JPH2: variants seen among roughly 807,000 people sequenced by gnomAD.
JPH2 encodes junctophilin-2.
JPH2 carries 38 observed loss-of-function variants against 55.9 expected under a neutral mutation model. That is an observed-to-expected ratio of 0.68 (90% CI 0.52 to 0.89). The LOEUF is 0.89. JPH2 is among the 40% of genes least tolerant of loss of function. The pLI is 0.00. For synonymous variants in JPH2, 480 were observed against 472.4 expected (o/e 1.02, Z -0.21); for missense variants, 964 against 1,037.6 (o/e 0.93, Z 0.97).
chr20:44,123,287 TC>T (rs2072251348), intron 2 of JPH2, among the ~76,000 whole-genome samples: 1 of 152,016 alleles, frequency 6.6e-6, no homozygotes. Context: ...TCCTTCCACA[TC>T]CACAGCCCAT....
At chr20:44,126,369 C>A (rs746136015) in intron 2 of JPH2, among the ~76,000 whole-genome samples, 1 of 152,140 alleles carries the variant, frequency 6.6e-6, no homozygotes, top group Non-Finnish European at 1.5e-5. Flanking sequence ...TAATCAGGGT[C>A]CCTGGCTCAG....
intron 2 of JPH2, among the ~76,000 whole-genome samples, chr20:44,119,284 A>C (rs1275499200): frequency 6.6e-6 from 1 of 152,254 alleles, no homozygotes; most frequent in Non-Finnish European, 1.5e-5. Context: ...ACAACATATA[A>C]TATGACATGA....
chr20:44,171,312 A>C (rs2072696355), intron 1 of JPH2, among the ~76,000 whole-genome samples: 1 of 152,188 alleles, frequency 6.6e-6, no homozygotes, highest in Non-Finnish European at 1.5e-5. Context: ...AGCGTTGCCC[A>C]AAATCAAAGC....
intron 2 of JPH2, among the ~76,000 whole-genome samples, chr20:44,132,482 G>A (rs1403511783): frequency 6.6e-6 from 1 of 151,220 alleles, no homozygotes; most frequent in Non-Finnish European, 1.5e-5. Flanking sequence ...TCTGCCCAGG[G>A]AGATCATCTC....
At chr20:44,123,792 G>C (rs938126821) in intron 2 of JPH2, among the ~76,000 whole-genome samples, 33 of 152,222 alleles carry the variant, frequency 2.2e-4, no homozygotes, top group African/African-American at 7.7e-4. Flanking sequence ...TTATATTCCA[G>C]ATTCTGACTT....
rs138602954 is a variant in JPH2, at chr20:44,110,225, T to TACACACAC, written c.*3285_*3292dup. 6.7e-6 allele frequency among the ~76,000 whole-genome samples: 1 copy of TACACACAC among 150,016 alleles called. No homozygotes were observed. The highest frequency in any genetic ancestry group is 2.5e-5 in the African/African-American group (1 of 40,798). The stretch of plus-strand genomic sequence containing the variant: ...CCCCAACTCATCCAACACACACACA[T>TACACACAC]ACACACACACACACAGACACACCCC... On this transcript the variant is annotated 3_prime_UTR_variant, in exon 6 of 6. Transcript: ENST00000372980.
chr20:44,186,587 C>A lies in JPH2; in HGVS notation c.119G>T (p.Gly40Val). Reference protein sequence around the residue: ...TGPKGQGEYSGSWNFGFEVAG... With the variant: ...TGPKGQGEYSVSWNFGFEVAG... ...CACCTCAAAGCCAAAGTTCCAGGAG[C>A]CAGAGTATTCGCCCTGGCCCTTGGG... The change falls in exon 1 of 6, where the codon GGC becomes GTC. Residue 40 changes from glycine (G) to valine (V), a missense_variant. Physicochemically the swap from Gly to Val is moderately radical, Grantham distance 109 (BLOSUM62 -3). Coordinates refer to ENST00000372980, the MANE Select transcript of JPH2 (RefSeq NM_020433.5). The A allele has an allele frequency of 1.2e-6, 2 of 1,613,644 alleles. No individual in the cohort carries two copies. The highest frequency in any genetic ancestry group is 1.1e-5 in the South Asian group (1 of 91,072).
intron 1 of JPH2, among the ~76,000 whole-genome samples, chr20:44,168,816 T>G (rs1000183783): frequency 6.6e-6 from 1 of 152,202 alleles, no homozygotes; most frequent in Non-Finnish European, 1.5e-5. Flanking sequence ...CCTCCAAACT[T>G]CATGTTGAAA....
Position 44,114,006 on chromosome 20 carries a change from G to A in JPH2, c.*15-503C>T, listed in dbSNP as rs559982237. Among the ~76,000 whole-genome samples the A allele has an allele frequency of 2.6e-5, 4 of 152,320 alleles. No homozygotes were observed. The East Asian group carries it at 7.7e-4, about 29-fold the overall frequency. On this transcript the variant is annotated intron_variant, in intron 5 of 5. Transcript: ENST00000372980. ...CCAAACTAAGCTAGGATCAAAAAAG[G>A]GGGCCTGAGGAAAAGGCAGAAACCC...
intron 2 of JPH2, among the ~76,000 whole-genome samples, chr20:44,148,291 C>A (rs1470910887): frequency 1.3e-5 from 2 of 152,246 alleles, no homozygotes; most frequent in Admixed American, 1.3e-4. Flanking sequence ...TGAATGTCAT[C>A]CAATAGCGTT....
At position 44,116,211 on chromosome 20, in the gene JPH2, G is replaced by A; in HGVS notation, c.1464C>T (p.Ala488=). The A allele has an allele frequency of 7.2e-7, 1 of 1,393,742 alleles. No homozygotes were observed. Among genetic ancestry groups the A allele is most frequent in the Non-Finnish European group, 9.2e-7 (1 of 1,085,572 alleles). The allele number at this position is 1,393,742 out of a possible 1,614,324, so 86.3% of individuals were successfully genotyped here. A position where few individuals can be genotyped will look rare whatever the true frequency, so the allele number is the denominator to read the frequency against. ...GCCGCTTGGGCTGCGGGGGCGTCCCGGCCGGTGACGGGGAGCCACCCTCGG... is the reference window on the plus strand; with the variant it reads ...GCCGCTTGGGCTGCGGGGGCGTCCCAGCCGGTGACGGGGAGCCACCCTCGG... The part of the protein sequence containing the change: ...PRPEGGSPSP[A]GTPPQPKRPR... Residue 488 remains alanine, a synonymous_variant, in exon 4 of 6, where the codon GCC becomes GCT. Transcript: ENST00000372980.
chr20:44,144,476 G>T (rs1369100798), intron 2 of JPH2, among the ~76,000 whole-genome samples: 1 of 152,180 alleles, frequency 6.6e-6, no homozygotes, highest in East Asian at 1.9e-4. Context: ...CGAGGAAAGG[G>T]AGGCTTAGGG....
intron 1 of JPH2, among the ~76,000 whole-genome samples, chr20:44,162,698 T>C (rs2072619297): frequency 1.4e-5 from 2 of 142,714 alleles, no homozygotes; most frequent in African/African-American, 5.3e-5. Flanking sequence ...GGACAGCCCA[T>C]TGTGGGACCC....
intron 2 of JPH2, among the ~76,000 whole-genome samples, chr20:44,134,824 T>C (rs1193302573): frequency 1.0e-3 from 89 of 86,502 alleles, no homozygotes; most frequent in South Asian, 3.5e-3. Context: ...TAAATATTTA[T>C]AAATATACAT....
chr20:44,170,692 C>A (rs2072690956), intron 1 of JPH2, among the ~76,000 whole-genome samples: 1 of 152,144 alleles, frequency 6.6e-6, no homozygotes, highest in South Asian at 2.1e-4. Context: ...AGAAAGTAAG[C>A]CAGGGCTAAG....
chr20:44,115,242 T>G (rs1468823296), intron 4 of JPH2, among the ~76,000 whole-genome samples: 1 of 152,094 alleles, frequency 6.6e-6, no homozygotes. Flanking sequence ...CTCCCATAAG[T>G]CAGGAGGTCT....
At chr20:44,179,650 G>A (rs1193322927) in intron 1 of JPH2, among the ~76,000 whole-genome samples, 1 of 152,136 alleles carries the variant, frequency 6.6e-6, no homozygotes, top group Non-Finnish European at 1.5e-5. Context: ...AATTCTTAAT[G>A]ATTTTAAAGA....
chr20:44,182,687 TAAG>T (rs1371174064), intron 1 of JPH2, among the ~76,000 whole-genome samples: 1 of 152,228 alleles, frequency 6.6e-6, no homozygotes. Flanking sequence ...CGACTCCATC[TAAG>T]AACACCTTCC....
chr20:44,151,084 A>T (rs547148539), intron 2 of JPH2, among the ~76,000 whole-genome samples: 2 of 152,340 alleles, frequency 1.3e-5, no homozygotes, highest in East Asian at 3.9e-4. Flanking sequence ...GCTAATAATT[A>T]TTAAATCCAG....
Sources: allele counts gnomAD v4.1 joint callset (sites outside exome capture counted in the v4.1 genomes callset), GRCh38; gene constraint gnomAD v4.1.1; transcripts MANE v1.5; gene names NCBI Gene and HGNC (gene_info 2026-07-23, HGNC 2026-07-21).